The following AGBL1 variants were observed in gnomAD, a reference collection of about 807,000 sequenced individuals.
AGBL1 encodes cytosolic carboxypeptidase 4.
A neutral mutation model predicts 118.9 loss-of-function variants in AGBL1; 130 were observed. The observed-to-expected ratio is 1.09, with a 90% CI of 0.95 to 1.26. AGBL1 has a LOEUF of 1.26. Among genes scored for constraint, AGBL1 ranks in the 50% most tolerant of loss-of-function variants. The probability of loss-of-function intolerance (pLI) is 0.00; values close to 1 mark genes in which losing one functional copy is unlikely to be tolerated. For synonymous variants in AGBL1, 555 were observed against 478.9 expected, an observed-to-expected ratio of 1.16 and a Z score of -2.08; for missense variants, 1,584 against 1,298.1, an observed-to-expected ratio of 1.22 and a Z score of -3.38.
At chr15:86,723,461 C>G (rs888103895) in intron 22 of AGBL1, among the ~76,000 whole-genome samples, 1 of 152,036 alleles carries the variant, frequency 6.6e-6, no homozygotes, top group Non-Finnish European at 1.5e-5. Flanking sequence ...ACAATGAGAA[C>G]ACATGGACAC....
chr15:86,202,325 T>C (rs546215370), intron 5 of AGBL1, among the ~76,000 whole-genome samples: 1 of 152,198 alleles, frequency 6.6e-6, no homozygotes, highest in African/African-American at 2.4e-5. Context: ...AAACCTGTGT[T>C]AGGCACAGGA....
intron 5 of AGBL1, among the ~76,000 whole-genome samples, chr15:86,208,633 G>A (rs1424779737): frequency 1.3e-5 from 2 of 152,058 alleles, no homozygotes; most frequent in Non-Finnish European, 2.9e-5. Flanking sequence ...TTCTGTGACG[G>A]TAGTTTGTAT....
Position 86,256,862 on chromosome 15 carries a change from G to T in AGBL1, c.745G>T (p.Asp249Tyr), listed in dbSNP as rs368107286. The T allele has an allele frequency of 2.4e-5, 39 of 1,613,654 alleles. No individual in the cohort carries two copies. In the Middle Eastern group the frequency reaches 4.9e-4, roughly 20 times the overall value. The change falls in exon 8 of 23, where the codon GAT becomes TAT. Residue 249 changes from aspartate to tyrosine, a missense_variant. Transcript: ENST00000614907. ...TCTTCCCTTTGCTCAGAACTGCCTG[G>T]ATGACAAGAGCATGGAGCCCGTCAT... ...ILFSTTQNCL[D>Y]DKSMEPVISV...
chr15:86,578,618 G>C (rs960743251), intron 21 of AGBL1, among the ~76,000 whole-genome samples: 1 of 152,168 alleles, frequency 6.6e-6, no homozygotes, highest in Non-Finnish European at 1.5e-5. Context: ...ATTCCCACAT[G>C]TTTTGGAAGG....
At chr15:86,882,875 T>C (rs772177602) in intron 22 of AGBL1, among the ~76,000 whole-genome samples, 11 of 152,228 alleles carry the variant, frequency 7.2e-5, no homozygotes, top group South Asian at 4.1e-4. Context: ...TTTAAAAACA[T>C]ATTTCCAATG....
At chr15:86,421,883 T>C (rs1040717311) in intron 18 of AGBL1, among the ~76,000 whole-genome samples, 1 of 152,168 alleles carries the variant, frequency 6.6e-6, no homozygotes, top group East Asian at 1.9e-4. Context: ...AAGGGATCAA[T>C]GCAACAAGAA....
At position 86,914,386 on chromosome 15, in the gene AGBL1, G is replaced by A. The variant is rs1400319034; in HGVS notation, c.*7092G>A. On this transcript the variant is annotated 3_prime_UTR_variant, in exon 23 of 23. Coordinates refer to ENST00000614907, the MANE Select transcript of AGBL1 (RefSeq NM_001386094.1). ...GCTCTGTGGGATAAATGGACATTAT[G>A]ATTGCCATTTTAAAAATGAAGTGCA... 1 of 152,120 alleles carries A rather than the reference G, an allele frequency of 6.6e-6. No homozygotes were observed. The highest frequency in any genetic ancestry group is 1.9e-4 in the East Asian group (1 of 5,188). The allele number at this position is 152,120 out of a possible 1,614,324, so 9.4% of individuals were successfully genotyped here.
At chr15:86,137,300 C>A (rs913123772) in intron 1 of AGBL1, among the ~76,000 whole-genome samples, 2 of 152,120 alleles carry the variant, frequency 1.3e-5, no homozygotes, top group Admixed American at 6.5e-5. Context: ...GTGGCAGGAC[C>A]CTGTGGGTGA....
intron 17 of AGBL1, among the ~76,000 whole-genome samples, chr15:86,376,998 T>C (rs1489265767): frequency 1.3e-5 from 2 of 152,196 alleles, no homozygotes; most frequent in Admixed American, 6.5e-5. Flanking sequence ...CTAGACCATA[T>C]TAATTTATGA....
At chr15:86,210,949 T>C (rs2078085624) in intron 5 of AGBL1, among the ~76,000 whole-genome samples, 1 of 152,192 alleles carries the variant, frequency 6.6e-6, no homozygotes, top group Admixed American at 6.5e-5. Flanking sequence ...CCCTTCTTTG[T>C]GGTTTTTTCT....
intron 17 of AGBL1, among the ~76,000 whole-genome samples, chr15:86,310,433 C>T (rs2079903121): frequency 6.6e-6 from 1 of 152,078 alleles, no homozygotes; most frequent in Non-Finnish European, 1.5e-5. Flanking sequence ...GGCAGGCTTC[C>T]TGTTGGAGTC....
chr15:86,276,830 A>G (rs1665658579), intron 15 of AGBL1, among the ~76,000 whole-genome samples: 1 of 152,234 alleles, frequency 6.6e-6, no homozygotes, highest in African/African-American at 2.4e-5. Context: ...TAACTGGGAA[A>G]CGAAAAGAAC....
intron 17 of AGBL1, among the ~76,000 whole-genome samples, chr15:86,371,585 T>C (rs1361484465): frequency 1.3e-5 from 2 of 152,194 alleles, no homozygotes; most frequent in Non-Finnish European, 2.9e-5. Context: ...AATCATTATC[T>C]ACTATTATAC....
chr15:86,149,128 C>T (rs1461152917), intron 3 of AGBL1, among the ~76,000 whole-genome samples: 2 of 152,102 alleles, frequency 1.3e-5, no homozygotes, highest in East Asian at 3.8e-4. Context: ...CTGAAGGAAG[C>T]ACTAAACATG....
chr15:86,389,392 T>C (rs1319381250), intron 17 of AGBL1, among the ~76,000 whole-genome samples: 2 of 152,152 alleles, frequency 1.3e-5, no homozygotes, highest in African/African-American at 4.8e-5. Flanking sequence ...GGAGAGGTTA[T>C]GAGCAAGGGT....
chr15:86,515,342 T>A (rs1306703137), intron 18 of AGBL1, among the ~76,000 whole-genome samples: 1 of 152,180 alleles, frequency 6.6e-6, no homozygotes. Context: ...ACTTTTAGAA[T>A]TCCTGGCTTT....
intron 4 of AGBL1, 99 bp from the exon 5 acceptor site, chr15:86,158,834 C>T (rs2077227846): frequency 3.1e-6 from 3 of 983,166 alleles, no homozygotes; most frequent in South Asian, 1.4e-5. Context: ...TCTTGTTTAT[C>T]AAGTTGCCCC....
intron 22 of AGBL1, among the ~76,000 whole-genome samples, chr15:86,753,415 T>TTTTTTC (rs35941815): frequency 2.1e-5 from 3 of 139,746 alleles, no homozygotes; most frequent in Non-Finnish European, 4.6e-5. Flanking sequence ...TTTTTTTTTT[T>TTTTTTC]GAGACAGAGT....
At chr15:86,965,847 C>A (rs1250616130) in intron 23 of AGBL1, among the ~76,000 whole-genome samples, 1 of 152,012 alleles carries the variant, frequency 6.6e-6, no homozygotes, top group East Asian at 1.9e-4. Context: ...ACACCGGGGC[C>A]TGTCAGGGGT....
Sources: gnomAD v4.1 joint callset for allele counts (sites outside exome capture counted in the v4.1 genomes callset) on GRCh38, gnomAD v4.1.1 for gene constraint, MANE v1.5 for transcripts, NCBI Gene and HGNC (gene_info 2026-07-23, HGNC 2026-07-21) for gene names.